The following MACROD2 variants were observed in gnomAD, a reference collection of about 807,000 sequenced individuals.
MACROD2 encodes ADP-ribose glycohydrolase MACROD2.
MACROD2 carries 36 observed loss-of-function variants against 70.4 expected under a neutral mutation model. The observed-to-expected ratio is 0.51, with a 90% confidence interval of 0.39 to 0.68. The LOEUF (loss-of-function observed/expected upper bound fraction) is 0.68. Among genes scored for constraint, MACROD2 ranks in the 30% least tolerant of loss-of-function variants. The pLI is 0.00. For synonymous variants in MACROD2, 172 were observed against 178.8 expected (o/e 0.96, Z 0.30); for missense variants, 496 against 538.4 (o/e 0.92, Z 0.78).
At chr20:14,196,359 G>T (rs932725137) in intron 3 of MACROD2, among the ~76,000 whole-genome samples, 1 of 152,156 alleles carries the variant, frequency 6.6e-6, no homozygotes, top group East Asian at 1.9e-4. Context: ...TTTCTGATCT[G>T]TCTTCTCCAT....
chr20:15,157,494 G>C (rs920362690), intron 5 of MACROD2, among the ~76,000 whole-genome samples: 1 of 152,030 alleles, frequency 6.6e-6, no homozygotes, highest in African/African-American at 2.4e-5. Flanking sequence ...TTGTGTTTCT[G>C]CTGTTAACAT....
At chr20:14,519,458 A>G (rs1271674729) in intron 4 of MACROD2, among the ~76,000 whole-genome samples, 2 of 152,176 alleles carry the variant, frequency 1.3e-5, no homozygotes, top group Non-Finnish European at 2.9e-5. Context: ...CAAAAAGCAT[A>G]TGAAAAAATG....
chr20:15,544,334 T>C (rs575065812), intron 8 of MACROD2, among the ~76,000 whole-genome samples: 2 of 152,316 alleles, frequency 1.3e-5, no homozygotes, highest in East Asian at 3.9e-4. Context: ...GATGCTTATT[T>C]TAAGAATATA....
At chr20:15,978,101 G>A (rs900856604) in intron 13 of MACROD2, among the ~76,000 whole-genome samples, 6 of 152,160 alleles carry the variant, frequency 3.9e-5, no homozygotes, top group Admixed American at 3.9e-4. Flanking sequence ...TGGACATCTT[G>A]TTATACAATG....
chr20:16,011,118 A>G (rs770609538), intron 15 of MACROD2, among the ~76,000 whole-genome samples: 5 of 152,152 alleles, frequency 3.3e-5, no homozygotes, highest in African/African-American at 4.8e-5. Flanking sequence ...GGTGTCATAG[A>G]TGGCTTTGTG....
chr20:13,996,466 C>G (rs904375608), intron 1 of MACROD2: 1 of 154,684 alleles, frequency 6.5e-6, no homozygotes, highest in Non-Finnish European at 1.4e-5. Flanking sequence ...GCTGTTCTCC[C>G]AACAGTGTGT....
In MACROD2 at chr20:15,425,037, G is replaced by A. The variant is rs561729225; in HGVS notation, c.541-6368G>A. 3.2e-4 allele frequency among the ~76,000 whole-genome samples: 48 copies of A among 152,276 alleles called. No individual in the cohort carries two copies. In the Middle Eastern group the frequency reaches 0.024, roughly 76 times the overall value. ...AAGCTCTGGCATGAAAAAAGAAAGAGCTACGCGCAAAACTTTCAGAGAGGG... is the reference window on the plus strand; with the variant it reads ...AAGCTCTGGCATGAAAAAAGAAAGAACTACGCGCAAAACTTTCAGAGAGGG... On this transcript the variant is annotated intron_variant, in intron 6 of 17. Transcript: ENST00000684519.
chr20:15,997,152 T>C (rs2066643377), intron 15 of MACROD2, among the ~76,000 whole-genome samples: 1 of 152,168 alleles, frequency 6.6e-6, no homozygotes, highest in Non-Finnish European at 1.5e-5. Flanking sequence ...CTCTGGCTTT[T>C]TTCCTCTTTC....
intron 3 of MACROD2, chr20:14,325,965 A>G: frequency 6.2e-7 from 1 of 1,613,816 alleles, no homozygotes; most frequent in Non-Finnish European, 8.5e-7. Context: ...CTTGCTCTCG[A>G]TTGAGGGTGG....
chr20:14,059,893 G>T (rs939350403), intron 2 of MACROD2, among the ~76,000 whole-genome samples: 2 of 152,186 alleles, frequency 1.3e-5, no homozygotes, highest in African/African-American at 4.8e-5. Context: ...TTCTGAGGAG[G>T]TGACATTTGA....
chr20:14,585,011 G>T (rs1001291787), intron 4 of MACROD2, among the ~76,000 whole-genome samples: 1 of 152,142 alleles, frequency 6.6e-6, no homozygotes, highest in Non-Finnish European at 1.5e-5. Context: ...TTGGTCTAAG[G>T]TCCTCCAGGA....
chr20:15,275,562 CA>C (rs1471940578), intron 6 of MACROD2, among the ~76,000 whole-genome samples: 1 of 152,144 alleles, frequency 6.6e-6, no homozygotes, highest in East Asian at 1.9e-4. Flanking sequence ...GATCAAAATG[CA>C]ACTTGGTGGT....
At chr20:15,141,876 T>A (rs2076194692) in intron 5 of MACROD2, among the ~76,000 whole-genome samples, 1 of 152,182 alleles carries the variant, frequency 6.6e-6, no homozygotes, top group Non-Finnish European at 1.5e-5. Flanking sequence ...TTGCCTCCCT[T>A]TTGCATCATC....
intron 5 of MACROD2, among the ~76,000 whole-genome samples, chr20:15,037,719 G>A (rs917332962): frequency 6.6e-6 from 1 of 151,510 alleles, no homozygotes; most frequent in Non-Finnish European, 1.5e-5. Flanking sequence ...GACAATCCAG[G>A]TTGCAAATTT....
chr20:15,716,704 G>C (rs1327694144), intron 8 of MACROD2, among the ~76,000 whole-genome samples: 2 of 152,050 alleles, frequency 1.3e-5, no homozygotes, highest in African/African-American at 2.4e-5. Flanking sequence ...GAACAGAAAA[G>C]AATAAAAACT....
At chr20:14,249,298 G>C (rs2081992029) in intron 3 of MACROD2, among the ~76,000 whole-genome samples, 1 of 151,906 alleles carries the variant, frequency 6.6e-6, no homozygotes. Context: ...TGTTGTCTCA[G>C]TATAATGCAA....
intron 6 of MACROD2, among the ~76,000 whole-genome samples, chr20:15,426,830 G>A (rs1434847208): frequency 1.3e-5 from 2 of 152,114 alleles, no homozygotes; most frequent in African/African-American, 2.4e-5. Context: ...TCCTCCATGG[G>A]ATAGTATTTG....
chr20:14,888,915 T>C (rs2073715500), intron 5 of MACROD2, among the ~76,000 whole-genome samples: 1 of 152,170 alleles, frequency 6.6e-6, no homozygotes, highest in Non-Finnish European at 1.5e-5. Flanking sequence ...ATAATAATCC[T>C]TCTTCATAGA....
At chr20:15,334,641 ATAAT>A (rs1395548329) in intron 6 of MACROD2, among the ~76,000 whole-genome samples, 1 of 151,642 alleles carries the variant, frequency 6.6e-6, no homozygotes, top group African/African-American at 2.4e-5. Context: ...AGAGTTAATG[ATAAT>A]TAACATTCAC....
Sources: gnomAD v4.1 joint callset for allele counts (sites outside exome capture counted in the v4.1 genomes callset) on GRCh38, gnomAD v4.1.1 for gene constraint, MANE v1.5 for transcripts, NCBI Gene and HGNC (gene_info 2026-07-23, HGNC 2026-07-21) for gene names.